Variants in PKHD1 observed in about 807,000 individuals in gnomAD.
PKHD1 encodes PKHD1 ciliary IPT domain containing fibrocystin/polyductin, also known as fibrocystin.
A neutral mutation model predicts 412.0 loss-of-function variants in PKHD1; 291 were observed. That is an observed-to-expected ratio of 0.71 (90% CI 0.64 to 0.78). PKHD1 has a LOEUF of 0.78. PKHD1 is among the 30% of genes least tolerant of loss of function. The pLI, the probability that PKHD1 is intolerant of heterozygous loss-of-function variation, is 0.00. For synonymous variants in PKHD1, 1,777 were observed against 1,821.5 expected (o/e 0.98, Z 0.62); for missense variants, 4,825 against 4,950.7 (o/e 0.97, Z 0.76).
chr6:51,827,922 A>T (rs949647041), intron 52 of PKHD1, among the ~76,000 whole-genome samples: 4 of 152,148 alleles, frequency 2.6e-5, no homozygotes, highest in African/African-American at 9.7e-5. Flanking sequence ...TCATTGCATT[A>T]GAATGGTTCT....
intron 61 of PKHD1, among the ~76,000 whole-genome samples, chr6:51,654,441 C>T (rs1771483436): frequency 6.6e-6 from 1 of 151,994 alleles, no homozygotes; most frequent in Non-Finnish European, 1.5e-5. Flanking sequence ...GTTCGGTTAA[C>T]ACTGGGGAAT....
chr6:51,661,268 TATATAG>T (rs1316205230), intron 60 of PKHD1, among the ~76,000 whole-genome samples: 1 of 152,010 alleles, frequency 6.6e-6, no homozygotes, highest in East Asian at 1.9e-4. Context: ...TAGATATAGA[TATATAG>T]ATATAGATAC....
At chr6:51,680,813 T>C (rs745924192) in intron 60 of PKHD1, among the ~76,000 whole-genome samples, 24 of 152,024 alleles carry the variant, frequency 1.6e-4, no homozygotes, top group Non-Finnish European at 3.1e-4. Flanking sequence ...ATTAAACTAT[T>C]GTAAAGATAA....
chr6:52,012,734 G>C (rs1041609012), intron 34 of PKHD1, among the ~76,000 whole-genome samples: 1 of 152,152 alleles, frequency 6.6e-6, no homozygotes, highest in Non-Finnish European at 1.5e-5. Flanking sequence ...TGTTACTGGG[G>C]GTGGAGAAGT....
chr6:51,796,316 A>T lies in PKHD1; in HGVS notation c.8303-4943T>A, dbSNP rs61010500. ...CAAGAGGTGTTTATAATATTCCCTG[A>T]GGGTTGTTTGTGTTTCTCTGGGGTC... is the stretch of plus-strand genomic sequence containing the variant. On this transcript the variant is annotated intron_variant, in intron 52 of 66. Coordinates refer to ENST00000371117, the MANE Select transcript of PKHD1 (RefSeq NM_138694.4). 4.7e-4 allele frequency among the ~76,000 whole-genome samples: 72 copies of T among 151,858 alleles called. 1 individual carries two copies. The East Asian group carries it at 0.013, about 27-fold the overall frequency.
At chr6:51,950,218 A>AT (rs1224067905) in intron 36 of PKHD1, among the ~76,000 whole-genome samples, 22 of 40,928 alleles carry the variant, frequency 5.4e-4, no homozygotes, top group Middle Eastern at 0.011. Context: ...GAGAAAAAAA[A>AT]AAATATATAT....
At chr6:51,777,695 A>G (rs1582633427) in intron 53 of PKHD1, among the ~76,000 whole-genome samples, 1 of 25,478 alleles carries the variant, frequency 3.9e-5, no homozygotes, top group African/African-American at 9.4e-5. Flanking sequence ...AAAAAAAAAA[A>G]AAAAAAAAAA....
intron 23 of PKHD1, 54 bp from the exon 24 acceptor site, chr6:52,046,242 C>G: frequency 4.5e-6 from 6 of 1,332,564 alleles, no homozygotes; most frequent in Middle Eastern, 1.8e-4. Context: ...ATCCACCTTA[C>G]AGAGTTTCAT....
chr6:52,016,827 CTTT>C (rs1365350611), intron 34 of PKHD1, among the ~76,000 whole-genome samples: 3 of 152,066 alleles, frequency 2.0e-5, no homozygotes, highest in South Asian at 2.1e-4. Flanking sequence ...GGTCACACTT[CTTT>C]TTTATTTGTT....
chr6:51,969,417 T>A (rs1056197851), intron 35 of PKHD1, among the ~76,000 whole-genome samples: 6 of 152,138 alleles, frequency 3.9e-5, no homozygotes, highest in Non-Finnish European at 7.4e-5. Flanking sequence ...AAAATTTTTT[T>A]AATAGATTTA....
chr6:51,777,560 G>A (rs1041550716), intron 53 of PKHD1, among the ~76,000 whole-genome samples: 24 of 152,082 alleles, frequency 1.6e-4, no homozygotes, highest in African/African-American at 5.5e-4. Flanking sequence ...AGGGGAGGAT[G>A]AAAATGTTTA....
intron 35 of PKHD1, among the ~76,000 whole-genome samples, chr6:51,980,138 T>A (rs530715106): frequency 6.6e-5 from 10 of 152,240 alleles, no homozygotes; most frequent in Non-Finnish European, 1.3e-4. Context: ...GACCCATTTA[T>A]TACCCGTATG....
chr6:51,883,012 A>C lies in PKHD1; in HGVS notation c.7350+81T>G, dbSNP rs1777621155. ...CACTAAAGAATGCTATTAAAATTGC[A>C]TATCCTGGATCATCAGGGGGCCCAG... On this transcript the variant is annotated intron_variant, in intron 46 of 66. Transcript: ENST00000371117. 2.9e-6 allele frequency: 3 copies of C among 1,042,152 alleles called. No individual in the cohort carries two copies. In the African/African-American group the frequency reaches 4.7e-5, roughly 16 times the overall value. 64.6% of individuals were successfully genotyped at this position (1,042,152 alleles called of 1,614,324 possible).
intron 60 of PKHD1, chr6:51,682,088 C>A: frequency 3.0e-6 from 1 of 337,184 alleles, no homozygotes; most frequent in South Asian, 2.5e-5. Flanking sequence ...ATATATACAG[C>A]ATCAGGGTAG....
chr6:51,873,332 C>T (rs1311179239), intron 46 of PKHD1, among the ~76,000 whole-genome samples: 3 of 152,124 alleles, frequency 2.0e-5, no homozygotes, highest in Non-Finnish European at 2.9e-5. Flanking sequence ...TAATCTATAT[C>T]GATAGAAGGC....
At chr6:51,742,781 T>C (rs1218823880) in intron 60 of PKHD1, among the ~76,000 whole-genome samples, 1 of 152,092 alleles carries the variant, frequency 6.6e-6, no homozygotes, top group South Asian at 2.1e-4. Flanking sequence ...ATTTATAATA[T>C]AATGTTAAGT....
At chr6:51,741,205 A>G (rs778383613) in intron 60 of PKHD1, 1 of 518,548 alleles carries the variant, frequency 1.9e-6, no homozygotes, top group Non-Finnish European at 3.9e-6. Flanking sequence ...TAAAATGAAC[A>G]CTCTTATGAT....
intron 25 of PKHD1, 36 bp from the exon 26 acceptor site, chr6:52,043,766 A>T (rs750263224): frequency 1.4e-6 from 2 of 1,394,692 alleles, no homozygotes; most frequent in South Asian, 2.3e-5. Context: ...CATTTTATGC[A>T]TTTCATATCT....
intron 35 of PKHD1, among the ~76,000 whole-genome samples, chr6:51,984,856 C>A (rs1562060084): frequency 6.6e-6 from 1 of 152,154 alleles, no homozygotes; most frequent in Admixed American, 6.5e-5. Flanking sequence ...ACCAAATTAA[C>A]GTTGGGTTAC....
Sources: allele counts gnomAD v4.1 joint callset (sites outside exome capture counted in the v4.1 genomes callset), GRCh38; gene constraint gnomAD v4.1.1; transcripts MANE v1.5; gene names NCBI Gene and HGNC (gene_info 2026-07-23, HGNC 2026-07-21).